SPTBN1: variants seen among roughly 807,000 people sequenced by gnomAD.
SPTBN1 encodes spectrin beta, non-erythrocytic 1, also known as spectrin beta chain, non-erythrocytic 1.
SPTBN1 carries 32 observed loss-of-function variants against 266.4 expected under a neutral mutation model. The ratio of observed to expected loss-of-function variants is 0.12; its 90% confidence interval spans 0.09 to 0.16. SPTBN1 has a LOEUF of 0.16. Ranked by LOEUF, SPTBN1 falls within the 10% of genes least tolerant of loss-of-function variation. The pLI is 1.00. For missense variants in SPTBN1, 2,296 were observed against 3,067.1 expected, an observed-to-expected ratio of 0.75 and a Z score of 5.94; for synonymous variants, 1,336 against 1,162.2, an observed-to-expected ratio of 1.15 and a Z score of -3.04.
chr2:54,555,946 G>A (rs1441647538), intron 2 of SPTBN1, among the ~76,000 whole-genome samples: 1 of 152,056 alleles, frequency 6.6e-6, no homozygotes, highest in Non-Finnish European at 1.5e-5. Context: ...TCTTAGAGCT[G>A]TCCTCCCCTG....
intron 9 of SPTBN1, 43 bp downstream of exon 9, chr2:54,622,530 C>T (rs776894030): frequency 8.8e-6 from 14 of 1,594,814 alleles, no homozygotes; most frequent in African/African-American, 1.3e-5. Flanking sequence ...TGGAAAGACA[C>T]ATCACTGTAG....
intron 7 of SPTBN1, 68 bp from the exon 8 acceptor site, chr2:54,621,323 CGTTGCATTT>C: frequency 2.0e-6 from 2 of 997,662 alleles, no homozygotes; most frequent in Non-Finnish European, 3.1e-6. Flanking sequence ...GACCAGCAGT[CGTTGCATTT>C]GTTCCTGCTA....
chr2:54,664,942 G>T lies in SPTBN1; in HGVS notation c.6659+251G>T. On this transcript the variant is annotated intron_variant, in intron 33 of 35. Coordinates refer to ENST00000356805, the MANE Select transcript of SPTBN1 (RefSeq NM_003128.3). This position sits in a 1 kb window ranked among gnomAD's most constrained non-coding sequence, Gnocchi z 5.6. ...GGCTTTAGTAGTTCATCTAGAGAAG[G>T]AATTTGCTAGATTGAGACTGAAGAG... 2.1e-6 allele frequency: 1 copy of T among 471,250 alleles called. No individual in the cohort carries two copies. Among genetic ancestry groups the T allele is most frequent in the South Asian group, 2.8e-5 (1 of 35,152 alleles). 29.2% of individuals were successfully genotyped at this position (471,250 alleles called of 1,614,324 possible). A position where few individuals can be genotyped will look rare whatever the true frequency, so the allele number is the denominator to read the frequency against.
chr2:54,618,247 G>A, intron 7 of SPTBN1, 54 bp downstream of exon 7: 1 of 1,421,550 alleles, frequency 7.0e-7, no homozygotes, highest in East Asian at 2.3e-5. Context: ...CCATCCAGGT[G>A]TTAATGTAAA....
chr2:54,539,688 C>T (rs1291720562), intron 2 of SPTBN1, among the ~76,000 whole-genome samples: 1 of 152,160 alleles, frequency 6.6e-6, no homozygotes, highest in Non-Finnish European at 1.5e-5. Context: ...AACAGGCACA[C>T]ACCACCATGC....
chr2:54,539,071 TTC>T (rs1671784505), intron 2 of SPTBN1, among the ~76,000 whole-genome samples: 1 of 152,194 alleles, frequency 6.6e-6, no homozygotes, highest in African/African-American at 2.4e-5. Context: ...GTACCCCATG[TTC>T]TCTGTGTCTT....
At chr2:54,493,627 C>T (rs1346555178) in intron 1 of SPTBN1, among the ~76,000 whole-genome samples, 1 of 152,144 alleles carries the variant, frequency 6.6e-6, no homozygotes, top group Admixed American at 6.5e-5. Flanking sequence ...GTCTTGAACT[C>T]CTTGCCTCAA....
intron 5 of SPTBN1, among the ~76,000 whole-genome samples, chr2:54,617,320 G>A (rs1016133684): frequency 9.2e-5 from 14 of 152,200 alleles, no homozygotes; most frequent in Non-Finnish European, 1.3e-4. Context: ...CTAGGTTGTC[G>A]TCACTTTTTC....
Position 54,645,461 on chromosome 2 carries a change from G to A in SPTBN1, c.4494+8G>A, listed in dbSNP as rs778852441. On this transcript the variant is annotated splice_region_variant and intron_variant, in intron 21 of 35. Coordinates refer to ENST00000356805, the MANE Select transcript of SPTBN1 (RefSeq NM_003128.3). This position sits in a 1 kb window ranked among gnomAD's most constrained non-coding sequence, Gnocchi z 4.3. ...GATGTGGAGGACGAGATCGTGAGTC[G>A]ACCCCTACTGCACACATGGCTTTTC... 6.2e-6 allele frequency: 10 copies of A among 1,613,310 alleles called. No individual in the cohort carries two copies. The highest frequency in any genetic ancestry group is 3.3e-5 in the South Asian group (3 of 90,918).
chr2:54,512,369 C>T (rs1669904286), intron 1 of SPTBN1, among the ~76,000 whole-genome samples: 1 of 152,162 alleles, frequency 6.6e-6, no homozygotes, highest in Non-Finnish European at 1.5e-5. Context: ...ATTTACCAAG[C>T]ATACAAAGGG....
At chr2:54,526,293 C>T in intron 1 of SPTBN1, 79 bp from the exon 2 acceptor site, 1 of 1,169,396 alleles carries the variant, frequency 8.6e-7, no homozygotes. Flanking sequence ...TTATTTTCTG[C>T]TCACTCTTAT....
chr2:54,626,440 A>G lies in SPTBN1; in HGVS notation c.1644+206A>G, dbSNP rs1678337253. On this transcript the variant is annotated intron_variant, in intron 12 of 35. Coordinates refer to ENST00000356805, the MANE Select transcript of SPTBN1 (RefSeq NM_003128.3). The surrounding 1 kb of genome is among the most constrained non-coding windows in gnomAD (Gnocchi z 4.7). ...GAAGTGTGAAAAAGTTGTAGAGACC[A>G]GTTCAGTAGCCAGAGCTCTGTTTCT... Among the ~76,000 whole-genome samples, 1 of 152,258 alleles carries G rather than the reference A, an allele frequency of 6.6e-6. No individual in the cohort carries two copies. The highest frequency in any genetic ancestry group is 1.5e-5 in the Non-Finnish European group (1 of 68,050).
rs1413143812 is a variant in SPTBN1, at chr2:54,533,883, C to G, written c.148+7317C>G. 2.3e-5 allele frequency among the ~76,000 whole-genome samples: 3 copies of G among 128,598 alleles called. No homozygotes were observed. The highest frequency in any genetic ancestry group is 6.3e-5 in the African/African-American group (2 of 31,530). The allele number at this position is 128,598 out of a possible 152,430, so 84.4% of individuals were successfully genotyped here. The stretch of plus-strand genomic sequence containing the variant: ...GTAATTTAGGGGGAAAGATTGATCT[C>G]TCTCTCTGTCTCTCTCTCACACACA... On this transcript the variant is annotated intron_variant, in intron 2 of 35. Coordinates refer to ENST00000356805, the MANE Select transcript of SPTBN1 (RefSeq NM_003128.3). The surrounding 1 kb of genome is among the most constrained non-coding windows in gnomAD (Gnocchi z 4.2).
At chr2:54,516,996 G>A (rs550724337) in intron 1 of SPTBN1, among the ~76,000 whole-genome samples, 1 of 152,188 alleles carries the variant, frequency 6.6e-6, no homozygotes, top group African/African-American at 2.4e-5. Context: ...GGAATGTCTG[G>A]CTTATGGTAA....
intron 32 of SPTBN1, chr2:54,661,250 G>A: frequency 1.0e-6 from 1 of 985,836 alleles, no homozygotes; most frequent in Non-Finnish European, 1.2e-6. Context: ...AGAAATAAAA[G>A]CTGGTGACAG....
chr2:54,562,642 C>T (rs1312164379), intron 2 of SPTBN1, among the ~76,000 whole-genome samples: 2 of 150,454 alleles, frequency 1.3e-5, no homozygotes, highest in Non-Finnish European at 3.0e-5. Context: ...GTGATTCTCC[C>T]ACCTCAGTCT....
intron 10 of SPTBN1, 46 bp from the exon 11 acceptor site, chr2:54,624,758 C>G (rs1678217469): frequency 1.2e-6 from 2 of 1,611,052 alleles, no homozygotes; most frequent in Non-Finnish European, 1.7e-6. Flanking sequence ...TCCTTGAACA[C>G]TGCAGGAAAC....
intron 23 of SPTBN1, 130 bp from the exon 24 acceptor site, chr2:54,647,001 G>T (rs964306726): frequency 1.5e-6 from 2 of 1,347,968 alleles, no homozygotes; most frequent in Admixed American, 3.9e-5. Context: ...TCCACTGTCC[G>T]TACTGCACCT....
intron 4 of SPTBN1, among the ~76,000 whole-genome samples, chr2:54,613,639 G>A (rs937358597): frequency 6.6e-6 from 1 of 152,254 alleles, no homozygotes. Context: ...AAGTAGGTCT[G>A]AAGAGAGAAC....
Sources: allele counts gnomAD v4.1 joint callset (sites outside exome capture counted in the v4.1 genomes callset), GRCh38; gene constraint gnomAD v4.1.1; non-coding constraint Gnocchi (gnomAD v3.1); transcripts MANE v1.5; gene names NCBI Gene and HGNC (gene_info 2026-07-23, HGNC 2026-07-21).